Variants in PCDH11X observed in about 807,000 individuals in gnomAD.
PCDH11X encodes the protein protocadherin 11 X-linked.
A neutral mutation model predicts 53.3 loss-of-function variants in PCDH11X; 18 were observed. That is an observed-to-expected ratio of 0.34 (90% CI 0.23 to 0.50). PCDH11X has a LOEUF of 0.50. PCDH11X is among the 20% of genes least tolerant of loss of function. The probability of loss-of-function intolerance (pLI) is 0.98; values close to 1 mark genes in which losing one functional copy is unlikely to be tolerated. For synonymous variants in PCDH11X, 279 were observed against 393.3 expected (o/e 0.71, Z 3.44); for missense variants, 570 against 1,032.4 (o/e 0.55, Z 6.14).
At chrX:92,447,097 G>A (rs2072670886) in intron 9 of PCDH11X, among the ~76,000 whole-genome samples, 1 of 111,952 alleles carries the variant, frequency 8.9e-6, no homozygotes, top group Non-Finnish European at 1.9e-5. Flanking sequence ...GAGGTGACTT[G>A]GGTGCTGTTA....
chrX:91,937,783 T>G (rs893918765), intron 6 of PCDH11X, among the ~76,000 whole-genome samples: 1 of 111,044 alleles, frequency 9.0e-6, no homozygotes, highest in African/African-American at 3.3e-5. Flanking sequence ...CAGTAGTTTT[T>G]TCTCTTTTTT....
intron 6 of PCDH11X, among the ~76,000 whole-genome samples, chrX:92,053,731 C>T (rs1280977329): frequency 3.7e-5 from 4 of 109,104 alleles, no homozygotes; most frequent in Non-Finnish European, 5.7e-5. Flanking sequence ...CCACCACACC[C>T]GGCTAATTTT....
chrX:92,095,183 C>T (rs1271850494), intron 6 of PCDH11X, among the ~76,000 whole-genome samples: 1 of 110,836 alleles, frequency 9.0e-6, no homozygotes, highest in Non-Finnish European at 1.9e-5. Flanking sequence ...TTCAACAAAG[C>T]TAATGCATTT....
At chrX:91,926,757 A>G (rs1941961809) in intron 6 of PCDH11X, among the ~76,000 whole-genome samples, 1 of 111,322 alleles carries the variant, frequency 9.0e-6, no homozygotes, top group Non-Finnish European at 1.9e-5. Context: ...TATAATGTAT[A>G]GTGATCAGAT....
chrX:92,107,824 G>T (rs2148150591), intron 6 of PCDH11X, among the ~76,000 whole-genome samples: 1 of 112,051 alleles, frequency 8.9e-6, no homozygotes, highest in Non-Finnish European at 1.9e-5. Flanking sequence ...TATGTCATGG[G>T]CCATGGTCAC....
intron 10 of PCDH11X, among the ~76,000 whole-genome samples, chrX:92,537,430 A>T (rs2074680261): frequency 9.1e-6 from 1 of 110,268 alleles, no homozygotes; most frequent in African/African-American, 3.3e-5. Context: ...AAATGTCCAT[A>T]CTACCTAAAT....
chrX:92,007,141 G>C (rs1289273493), intron 6 of PCDH11X, among the ~76,000 whole-genome samples: 1 of 111,297 alleles, frequency 9.0e-6, no homozygotes, highest in Non-Finnish European at 1.9e-5. Context: ...AGGCCCTGGT[G>C]CTCTACAATC....
At chrX:92,154,688 G>A (rs2759778) in intron 6 of PCDH11X, among the ~76,000 whole-genome samples, 21 of 110,744 alleles carry the variant, frequency 1.9e-4, no homozygotes, top group Non-Finnish European at 3.4e-4. Flanking sequence ...GGTCATCCAG[G>A]GCAGATGGCA....
chrX:92,121,035 TAAAC>T (rs67974815), intron 6 of PCDH11X, among the ~76,000 whole-genome samples: 21,309 of 110,991 alleles, frequency 0.19, 1,678 homozygotes, highest in East Asian at 0.42. Flanking sequence ...GTAGCTGAGA[TAAAC>T]AAACATATCT....
intron 5 of PCDH11X, among the ~76,000 whole-genome samples, chrX:91,841,363 G>C (rs1162215413): frequency 9.0e-6 from 1 of 111,426 alleles, no homozygotes; most frequent in East Asian, 2.8e-4. Context: ...ATCGTAAATA[G>C]TTCAATTCTG....
chrX:92,105,752 G>T (rs1287941234), intron 6 of PCDH11X, among the ~76,000 whole-genome samples: 1 of 109,747 alleles, frequency 9.1e-6, no homozygotes, highest in Non-Finnish European at 1.9e-5. Context: ...ATCAGTTAAG[G>T]CAAGGACCGG....
rs35000823 is a variant in PCDH11X, at chrX:92,278,806, G to GTTTTTTTTTTTTTTTT, written c.3144+15670_3144+15685dup. Among the ~76,000 whole-genome samples, 109 of 47,378 alleles carry GTTTTTTTTTTTTTTTT rather than the reference G, an allele frequency of 2.3e-3. 7 individuals carry two copies. The highest frequency in any genetic ancestry group is 0.012 in the East Asian group (20 of 1,604). The allele number at this position is 47,378 out of a possible 115,157, so 41.1% of individuals were successfully genotyped here. A position where few individuals can be genotyped will look rare whatever the true frequency, so the allele number is the denominator to read the frequency against. On this transcript the variant is annotated intron_variant, in intron 8 of 10. Transcript: ENST00000682573. ...TCAGAGGCCTGACAGTCTCTTTTCAGTTTTTTTTTTTTTTTTTTTTTTGAG... is the reference window on the plus strand; with the variant it reads ...TCAGAGGCCTGACAGTCTCTTTTCAGTTTTTTTTTTTTTTTTTTTTTTTTTTTTTTTTTTTTTTGAG...
chrX:92,222,993 C>T (rs767382866), intron 7 of PCDH11X, among the ~76,000 whole-genome samples: 7 of 111,716 alleles, frequency 6.3e-5, no homozygotes, highest in African/African-American at 2.3e-4. Context: ...TTTTTTATTT[C>T]TTTATTTTTA....
chrX:92,421,562 C>T (rs966082663), intron 9 of PCDH11X, among the ~76,000 whole-genome samples: 14 of 111,597 alleles, frequency 1.3e-4, no homozygotes, highest in African/African-American at 4.6e-4. Flanking sequence ...AATAATGCTG[C>T]AATGAACATA....
At chrX:92,184,015 T>G (rs2066047644) in intron 6 of PCDH11X, among the ~76,000 whole-genome samples, 1 of 111,561 alleles carries the variant, frequency 9.0e-6, no homozygotes, top group Admixed American at 9.6e-5. Flanking sequence ...TTACATTCCA[T>G]TAGAATATAA....
At chrX:92,412,533 A>G (rs2071706497) in intron 9 of PCDH11X, among the ~76,000 whole-genome samples, 1 of 95,716 alleles carries the variant, frequency 1.0e-5, no homozygotes, top group African/African-American at 3.7e-5. Context: ...ATATATATAT[A>G]TATATATATA....
intron 6 of PCDH11X, among the ~76,000 whole-genome samples, chrX:92,200,846 G>C (rs886366566): frequency 9.0e-6 from 1 of 110,749 alleles, no homozygotes; most frequent in Non-Finnish European, 1.9e-5. Flanking sequence ...ATTTTCTACA[G>C]CTTAAATGTC....
intron 4 of PCDH11X, among the ~76,000 whole-genome samples, chrX:91,822,992 G>A (rs1381738219): frequency 9.1e-6 from 1 of 110,030 alleles, no homozygotes; most frequent in African/African-American, 3.3e-5. Flanking sequence ...TTTTGAGTGA[G>A]TTTCTTAATC....
chrX:92,176,041 T>C (rs1382401981), intron 6 of PCDH11X, among the ~76,000 whole-genome samples: 3 of 110,586 alleles, frequency 2.7e-5, no homozygotes, highest in Non-Finnish European at 5.7e-5. Flanking sequence ...AAACTGCTGA[T>C]GTTTTTTAAT....
Sources: allele counts gnomAD v4.1 joint callset (sites outside exome capture counted in the v4.1 genomes callset), GRCh38; gene constraint gnomAD v4.1.1; transcripts MANE v1.5; gene names NCBI Gene and HGNC (gene_info 2026-07-23, HGNC 2026-07-21).